Variants in EPB41L5 observed in about 807,000 individuals in gnomAD.
The protein encoded by EPB41L5 is erythrocyte membrane protein band 4.1 like 5.
A neutral mutation model predicts 106.6 loss-of-function variants in EPB41L5; 55 were observed. That is an observed-to-expected ratio of 0.52 (90% CI 0.42 to 0.65). EPB41L5 has a LOEUF of 0.65. EPB41L5 is among the 30% of genes least tolerant of loss of function. The pLI, the probability that EPB41L5 is intolerant of heterozygous loss-of-function variation, is 0.00. For synonymous variants in EPB41L5, 297 were observed against 306.7 expected (o/e 0.97, Z 0.33); for missense variants, 871 against 882.1 (o/e 0.99, Z 0.16).
At chr2:120,128,900 C>T (rs972899937) in intron 17 of EPB41L5, among the ~76,000 whole-genome samples, 3 of 152,184 alleles carry the variant, frequency 2.0e-5, no homozygotes, top group South Asian at 2.1e-4. Flanking sequence ...TAATTTATTT[C>T]GAATAGTCCA....
intron 24 of EPB41L5, among the ~76,000 whole-genome samples, chr2:120,169,808 G>C (rs547726925): frequency 6.6e-6 from 1 of 152,218 alleles, no homozygotes; most frequent in African/African-American, 2.4e-5. Flanking sequence ...ATTCTAGACA[G>C]TGTGCAACTT....
chr2:120,038,181 A>G lies in EPB41L5; in HGVS notation c.181-3825A>G, dbSNP rs146879454. On this transcript the variant is annotated intron_variant, in intron 2 of 24. Transcript: ENST00000263713. ...TAAAGAACTCCTACAACTCAGCAAC[A>G]ACAACCAAAAGCCAATTCGAAAATA... 6.4e-3 allele frequency among the ~76,000 whole-genome samples: 971 copies of G among 152,330 alleles called. 5 individuals are homozygous for G. Among genetic ancestry groups the G allele is most frequent in the Middle Eastern group, 0.01 (3 of 294 alleles).
intron 2 of EPB41L5, among the ~76,000 whole-genome samples, chr2:120,032,613 T>G (rs994369204): frequency 6.6e-6 from 1 of 152,190 alleles, no homozygotes; most frequent in South Asian, 2.1e-4. Flanking sequence ...TTGCCTACAG[T>G]CTTTTCTTTC....
chr2:120,122,958 C>T (rs911163711), intron 16 of EPB41L5, among the ~76,000 whole-genome samples: 60 of 152,230 alleles, frequency 3.9e-4, no homozygotes, highest in African/African-American at 1.4e-3. Flanking sequence ...TGATTTGGCT[C>T]TCTGTCTGTT....
chr2:120,031,404 G>A (rs1238527336), intron 2 of EPB41L5, among the ~76,000 whole-genome samples: 1 of 152,178 alleles, frequency 6.6e-6, no homozygotes, highest in Non-Finnish European at 1.5e-5. Context: ...GTGAGGGCTG[G>A]ATCTGAAAGA....
At chr2:120,127,036 A>G (rs1194491708) in intron 16 of EPB41L5, among the ~76,000 whole-genome samples, 2 of 152,182 alleles carry the variant, frequency 1.3e-5, no homozygotes, top group Non-Finnish European at 2.9e-5. Context: ...GTCTACATCA[A>G]TTTCCTCATG....
chr2:120,022,805 TA>T (rs1369035429), intron 2 of EPB41L5, among the ~76,000 whole-genome samples: 10 of 152,212 alleles, frequency 6.6e-5, no homozygotes, highest in Admixed American at 6.5e-4. Context: ...ACTAACAGTG[TA>T]AAAGCATTCC....
chr2:120,029,010 G>A (rs1418406063), intron 2 of EPB41L5, among the ~76,000 whole-genome samples: 1 of 152,146 alleles, frequency 6.6e-6, no homozygotes, highest in Non-Finnish European at 1.5e-5. Flanking sequence ...TGATTAGTTT[G>A]TGGAAGTGCC....
chr2:120,166,320 A>T (rs777387273), intron 22 of EPB41L5, among the ~76,000 whole-genome samples: 3 of 152,238 alleles, frequency 2.0e-5, no homozygotes, highest in Non-Finnish European at 4.4e-5. Context: ...AGACTTTACC[A>T]AGGATAAGAA....
intron 6 of EPB41L5, 21 bp downstream of exon 6, chr2:120,075,541 G>A: frequency 6.6e-7 from 1 of 1,524,898 alleles, no homozygotes; most frequent in Non-Finnish European, 9.1e-7. Flanking sequence ...GTTATTTAAG[G>A]ATAAATGCAC....
At chr2:120,128,750 G>C (rs901668796) in intron 17 of EPB41L5, among the ~76,000 whole-genome samples, 1 of 150,028 alleles carries the variant, frequency 6.7e-6, no homozygotes, top group Non-Finnish European at 1.5e-5. Flanking sequence ...AATTGTGCTT[G>C]TTAGTCTCAG....
Position 120,178,796 on chromosome 2 carries a change from G to A in EPB41L5, c.*3889G>A, listed in dbSNP as rs1460421911. 6.6e-6 allele frequency: 1 copy of A among 152,186 alleles called. No homozygotes were observed. Among genetic ancestry groups the A allele is most frequent in the East Asian group, 1.9e-4 (1 of 5,202 alleles). 9.4% of individuals were successfully genotyped at this position (152,186 alleles called of 1,614,324 possible). ...CCTATGTCACCACATTGCTTGAGAT[G>A]ATCATTCAGTTACTTGTCAGGATTT... On this transcript the variant is annotated 3_prime_UTR_variant, in exon 25 of 25. Coordinates refer to ENST00000263713, the MANE Select transcript of EPB41L5 (RefSeq NM_020909.4).
intron 16 of EPB41L5, among the ~76,000 whole-genome samples, chr2:120,117,978 GTTTAC>G (rs1685026485): frequency 1.3e-5 from 2 of 152,002 alleles, no homozygotes; most frequent in African/African-American, 4.8e-5. Flanking sequence ...GTTTTTCACT[GTTTAC>G]TTTTAGTATT....
chr2:120,056,794 T>G (rs1387046584), intron 3 of EPB41L5, among the ~76,000 whole-genome samples: 2 of 152,134 alleles, frequency 1.3e-5, no homozygotes, highest in African/African-American at 4.8e-5. Flanking sequence ...CTTTCAACAT[T>G]TGGTAGAATT....
rs1368610813 is a variant in EPB41L5, at chr2:120,175,467, A to G, written c.*560A>G. The G allele has an allele frequency of 2.0e-5, 3 of 152,344 alleles. No homozygotes were observed. Among genetic ancestry groups the G allele is most frequent in the Non-Finnish European group, 2.9e-5 (2 of 68,318 alleles). The allele number at this position is 152,344 out of a possible 1,614,324, so 9.4% of individuals were successfully genotyped here. The stretch of plus-strand genomic sequence containing the variant: ...ACAACACTAAAGAGAAGTTTAGAAT[A>G]TAGAGAGTTTTTAAATGTCTCCCAT... On this transcript the variant is annotated 3_prime_UTR_variant, in exon 25 of 25. Transcript: ENST00000263713.
chr2:120,019,043 T>C, intron 1 of EPB41L5, 34 bp from the exon 2 acceptor site: 4 of 1,555,774 alleles, frequency 2.6e-6, no homozygotes, highest in Non-Finnish European at 2.6e-6. Context: ...CTCATTTTTT[T>C]CCTGATGCCA....
intron 2 of EPB41L5, among the ~76,000 whole-genome samples, chr2:120,035,269 A>T (rs996820294): frequency 6.6e-6 from 1 of 152,116 alleles, no homozygotes; most frequent in African/African-American, 2.4e-5. Context: ...ATTTTTTTTA[A>T]AAATTTTTTG....
chr2:120,016,756 A>G (rs951503743), intron 1 of EPB41L5, among the ~76,000 whole-genome samples: 1 of 152,012 alleles, frequency 6.6e-6, no homozygotes, highest in Non-Finnish European at 1.5e-5. Flanking sequence ...TGGTGGAGTT[A>G]AAAGGAATAT....
intron 17 of EPB41L5, among the ~76,000 whole-genome samples, chr2:120,130,867 T>G (rs1287292203): frequency 6.6e-6 from 1 of 152,216 alleles, no homozygotes; most frequent in Non-Finnish European, 1.5e-5. Flanking sequence ...TTCCCCCTCT[T>G]TTCTTCTTTC....
Sources: allele counts gnomAD v4.1 joint callset (sites outside exome capture counted in the v4.1 genomes callset), GRCh38; gene constraint gnomAD v4.1.1; transcripts MANE v1.5; gene names NCBI Gene and HGNC (gene_info 2026-07-23, HGNC 2026-07-21).